Variants in IQSEC1 observed in about 807,000 individuals in gnomAD.
The protein encoded by IQSEC1 is IQ motif and Sec7 domain ArfGEF 1, also known as IQ motif and SEC7 domain-containing protein 1.
In IQSEC1, 31 loss-of-function variants were observed where a neutral mutation model predicts 91.0. The observed-to-expected ratio is 0.34, with a 90% confidence interval of 0.26 to 0.46. The LOEUF (loss-of-function observed/expected upper bound fraction) is 0.46. IQSEC1 is among the 20% of genes least tolerant of loss of function. The pLI is 1.00. For synonymous variants in IQSEC1, 699 were observed against 662.6 expected, an observed-to-expected ratio of 1.05 and a Z score of -0.84; for missense variants, 1,388 against 1,575.6, an observed-to-expected ratio of 0.88 and a Z score of 2.02.
At chr3:13,093,765 T>C (rs1705907654) in intron 2 of IQSEC1, among the ~76,000 whole-genome samples, 1 of 152,112 alleles carries the variant, frequency 6.6e-6, no homozygotes. Flanking sequence ...ATCCAGCCCC[T>C]CTTATCCCTG....
At chr3:13,158,849 C>A (rs1029681349) in intron 2 of IQSEC1, among the ~76,000 whole-genome samples, 2 of 152,088 alleles carry the variant, frequency 1.3e-5, no homozygotes, top group Non-Finnish European at 2.9e-5. Context: ...GTAGTCCCAG[C>A]CACTCAGGAG....
Position 12,983,160 on chromosome 3 carries a change from C to T in IQSEC1, c.24-41295G>A, listed in dbSNP as rs1408953957. On this transcript the variant is annotated intron_variant, in intron 1 of 13. Transcript: ENST00000613206. The surrounding 1 kb of genome is among the most constrained non-coding windows in gnomAD (Gnocchi z 4.3). ...ACTTTATGGCCAGCATTCCGCTGGC[C>T]CCAGCTGCATAATCCAGATCTGAAC... 6.6e-6 allele frequency among the ~76,000 whole-genome samples: 1 copy of T among 152,208 alleles called. No homozygotes were observed. The highest frequency in any genetic ancestry group is 2.4e-5 in the African/African-American group (1 of 41,444).
At position 12,970,734 on chromosome 3, in the gene IQSEC1, A is replaced by G. The variant is rs1232657140; in HGVS notation, c.24-28869T>C. On this transcript the variant is annotated intron_variant, in intron 1 of 13. Transcript: ENST00000613206. The surrounding 1 kb of genome is among the most constrained non-coding windows in gnomAD (Gnocchi z 4.4). ...GCTCACAGCTAGGACCTTGGTTTTCAGCTTCCTATGTCACTGCTCCCAGAA... is the reference window on the plus strand; with the variant it reads ...GCTCACAGCTAGGACCTTGGTTTTCGGCTTCCTATGTCACTGCTCCCAGAA... Among the ~76,000 whole-genome samples, 1 of 152,148 alleles carries G rather than the reference A, an allele frequency of 6.6e-6. No homozygotes were observed. Among genetic ancestry groups the G allele is most frequent in the East Asian group, 1.9e-4 (1 of 5,200 alleles).
intron 2 of IQSEC1, among the ~76,000 whole-genome samples, chr3:13,097,327 C>A (rs1219366812): frequency 6.6e-6 from 1 of 152,212 alleles, no homozygotes. Flanking sequence ...GACTCCAGAA[C>A]AATGCCTTTT....
intron 1 of IQSEC1, among the ~76,000 whole-genome samples, chr3:13,263,426 T>TC (rs1559288960): frequency 2.0e-5 from 2 of 101,426 alleles, no homozygotes; most frequent in African/African-American, 7.3e-5. Flanking sequence ...ACTTTTTTTT[T>TC]TGGGGGGGGG....
At chr3:12,963,110 G>A (rs1700344541) in intron 1 of IQSEC1, among the ~76,000 whole-genome samples, 1 of 152,250 alleles carries the variant, frequency 6.6e-6, no homozygotes, top group Non-Finnish European at 1.5e-5. Flanking sequence ...AATGGCAACT[G>A]TTGCTATTAC....
chr3:13,088,424 C>T (rs1183402394), intron 2 of IQSEC1, among the ~76,000 whole-genome samples: 1 of 152,128 alleles, frequency 6.6e-6, no homozygotes, highest in East Asian at 1.9e-4. Flanking sequence ...CTTCCCGAAG[C>T]CTGCTCCTCC....
intron 2 of IQSEC1, among the ~76,000 whole-genome samples, chr3:13,157,648 G>A (rs1707104302): frequency 6.6e-6 from 1 of 152,204 alleles, no homozygotes; most frequent in Non-Finnish European, 1.5e-5. Context: ...ACCCAGGGGA[G>A]CAAAGGAAGG....
At chr3:13,104,250 C>T (rs747547610) in intron 2 of IQSEC1, among the ~76,000 whole-genome samples, 5 of 152,160 alleles carry the variant, frequency 3.3e-5, no homozygotes, top group Non-Finnish European at 7.4e-5. Flanking sequence ...CCAAAACAAC[C>T]TAGTTGACCA....
chr3:13,209,233 C>A (rs1559277947), intron 1 of IQSEC1, among the ~76,000 whole-genome samples: 1 of 152,214 alleles, frequency 6.6e-6, no homozygotes, highest in Non-Finnish European at 1.5e-5. Context: ...CCCTCCCATT[C>A]CCAATTCAGG....
chr3:12,977,227 G>A (rs1701224704), intron 1 of IQSEC1, among the ~76,000 whole-genome samples: 1 of 151,946 alleles, frequency 6.6e-6, no homozygotes, highest in African/African-American at 2.4e-5. Context: ...ACATGCCTGT[G>A]GTTCCAGCTA....
rs908808202 is a variant in IQSEC1, at chr3:13,177,504, C to T, written c.273-13371G>A. Among the ~76,000 whole-genome samples the T allele has an allele frequency of 6.6e-5, 10 of 152,220 alleles. No homozygotes were observed. The East Asian group carries it at 7.7e-4, about 12-fold the overall frequency. ...TCATCTCCTTTGTGATGATTTACCC[C>T]GGGACACCAGCCTGAGCCAGCCAGC... is the stretch of plus-strand genomic sequence containing the variant. On this transcript the variant is annotated intron_variant, in intron 1 of 15. Transcript: ENST00000648114.
intron 12 of IQSEC1, among the ~76,000 whole-genome samples, chr3:12,907,091 G>A (rs1193448349): frequency 6.6e-6 from 1 of 152,134 alleles, no homozygotes. Flanking sequence ...GCCAAGCCCG[G>A]GACGGTCCCC....
chr3:12,903,049 C>CA (rs774361090), intron 12 of IQSEC1, among the ~76,000 whole-genome samples: 12 of 149,554 alleles, frequency 8.0e-5, no homozygotes, highest in South Asian at 4.2e-4. Flanking sequence ...TTTCGAAAAG[C>CA]AAAAAAAAAA....
At chr3:12,918,729 G>A (rs937504071) in intron 6 of IQSEC1, among the ~76,000 whole-genome samples, 8 of 152,178 alleles carry the variant, frequency 5.3e-5, no homozygotes, top group Admixed American at 1.3e-4. Context: ...GGCTGAGGCA[G>A]GAGGATCTCT....
intron 2 of IQSEC1, among the ~76,000 whole-genome samples, chr3:13,116,550 C>T (rs2124879844): frequency 6.6e-6 from 1 of 152,282 alleles, no homozygotes; most frequent in East Asian, 1.9e-4. Context: ...AACTGCACAT[C>T]CACATGCAAA....
rs1318137138 is a variant in IQSEC1 at position 13,037,313 on chromosome 3, A to G, written c.23+35679T>C. Among the ~76,000 whole-genome samples, 6 of 152,336 alleles carry G rather than the reference A, an allele frequency of 3.9e-5. No homozygotes were observed. In the East Asian group the frequency reaches 1.2e-3, roughly 29 times the overall value. ...GTACAAACCCTCCATAAATGCCCGCAGCCAAGCACAAGGAGGCAGGGGCAA... is the reference window on the plus strand; with the variant it reads ...GTACAAACCCTCCATAAATGCCCGCGGCCAAGCACAAGGAGGCAGGGGCAA... On this transcript the variant is annotated intron_variant, in intron 1 of 13. Transcript: ENST00000613206.
At chr3:13,275,930 G>A (rs1356573270) in intron 1 of IQSEC1, among the ~76,000 whole-genome samples, 2 of 152,342 alleles carry the variant, frequency 1.3e-5, no homozygotes, top group East Asian at 1.9e-4. Context: ...CTCCAAGGAC[G>A]GAGGGGCATG....
intron 1 of IQSEC1, among the ~76,000 whole-genome samples, chr3:13,039,170 A>G (rs112473814): frequency 2.0e-5 from 3 of 152,192 alleles, no homozygotes; most frequent in African/African-American, 7.2e-5. Context: ...GCCTCCCACA[A>G]TGGCCTTTGG....
Sources: allele counts gnomAD v4.1 joint callset (sites outside exome capture counted in the v4.1 genomes callset), GRCh38; gene constraint gnomAD v4.1.1; non-coding constraint Gnocchi (gnomAD v3.1); transcripts MANE v1.5; gene names NCBI Gene and HGNC (gene_info 2026-07-23, HGNC 2026-07-21).